Variants in SBF2 observed in about 807,000 individuals in gnomAD.
SBF2 encodes SET binding factor 2, also known as myotubularin-related protein 13.
SBF2 carries 112 observed loss-of-function variants against 225.2 expected under a neutral mutation model. The observed-to-expected ratio is 0.50, with a 90% CI of 0.43 to 0.58. SBF2 has a LOEUF of 0.58. SBF2 is among the 20% of genes least tolerant of loss of function. The pLI, the probability that SBF2 is intolerant of heterozygous loss-of-function variation, is 0.00. For missense variants in SBF2, 1,996 were observed against 2,206.2 expected, an observed-to-expected ratio of 0.90 and a Z score of 1.91; for synonymous variants, 763 against 773.3, an observed-to-expected ratio of 0.99 and a Z score of 0.22.
chr11:10,061,516 G>A (rs185190920), intron 2 of SBF2, among the ~76,000 whole-genome samples: 1,694 of 152,058 alleles, frequency 0.011, 12 homozygotes, highest in Non-Finnish European at 0.017. Flanking sequence ...ATCAATATAC[G>A]AAAATCACTA....
intron 1 of SBF2, among the ~76,000 whole-genome samples, chr11:10,207,712 C>T (rs1957794275): frequency 6.6e-6 from 1 of 151,916 alleles, no homozygotes. Flanking sequence ...GCCCTCTCTC[C>T]TAATACTTCC....
chr11:9,938,053 G>A (rs1411989877), intron 16 of SBF2, among the ~76,000 whole-genome samples: 3 of 151,540 alleles, frequency 2.0e-5, no homozygotes, highest in South Asian at 2.1e-4. Context: ...AGCACTTTGG[G>A]GGCCAAGGCG....
At chr11:10,288,113 C>A (rs1963919577) in intron 1 of SBF2, among the ~76,000 whole-genome samples, 2 of 152,218 alleles carry the variant, frequency 1.3e-5, no homozygotes, top group Admixed American at 1.3e-4. Context: ...AGTCACAGCC[C>A]TAGCTTGGGG....
At chr11:9,952,911 G>T (rs1447801863) in intron 16 of SBF2, among the ~76,000 whole-genome samples, 2 of 152,092 alleles carry the variant, frequency 1.3e-5, no homozygotes, top group East Asian at 3.8e-4. Context: ...GGTGAACAGG[G>T]AACACTTCTA....
At chr11:10,258,771 T>C (rs1429911232) in intron 1 of SBF2, among the ~76,000 whole-genome samples, 2 of 152,114 alleles carry the variant, frequency 1.3e-5, no homozygotes, top group African/African-American at 2.4e-5. Flanking sequence ...CTACATAGTC[T>C]GCCTCAAAAA....
intron 6 of SBF2, among the ~76,000 whole-genome samples, chr11:10,024,875 T>C (rs1483633746): frequency 6.6e-6 from 1 of 152,200 alleles, no homozygotes; most frequent in Non-Finnish European, 1.5e-5. Flanking sequence ...TGTCAGTAAA[T>C]CTTTGTTAAA....
intron 2 of SBF2, among the ~76,000 whole-genome samples, chr11:10,133,476 G>A (rs578172068): frequency 1.4e-5 from 2 of 142,378 alleles, no homozygotes; most frequent in South Asian, 2.2e-4. Context: ...GGCCCAGCGA[G>A]AAATCGAACG....
In SBF2 at chr11:9,968,302, TAAAC is replaced by T. The variant is rs532992872; in HGVS notation, c.1600+35_1600+38del. On this transcript the variant is annotated intron_variant, in intron 14 of 39. Coordinates refer to ENST00000256190, the MANE Select transcript of SBF2 (RefSeq NM_030962.4). ...TTCCTTTTTGGGTCTTACATCCTTA[TAAAC>T]AGTTTACTTTTAAAACAGACAGACA... 452 of 1,583,612 alleles carry T rather than the reference TAAAC, an allele frequency of 2.9e-4. 3 individuals carry two copies. The highest frequency in any genetic ancestry group is 2.7e-3 in the Middle Eastern group (14 of 5,124).
chr11:10,184,659 T>C (rs1264786146), intron 2 of SBF2, among the ~76,000 whole-genome samples: 1 of 152,188 alleles, frequency 6.6e-6, no homozygotes. Context: ...ACTTCCTGCC[T>C]GTATGAATTT....
chr11:10,117,539 T>C (rs1014207652), intron 2 of SBF2, among the ~76,000 whole-genome samples: 2 of 152,036 alleles, frequency 1.3e-5, no homozygotes, highest in African/African-American at 2.4e-5. Flanking sequence ...ATGGGACCCA[T>C]TACACATTTC....
chr11:10,059,497 C>T (rs1428444601), intron 2 of SBF2, among the ~76,000 whole-genome samples: 4 of 152,174 alleles, frequency 2.6e-5, no homozygotes, highest in African/African-American at 9.7e-5. Flanking sequence ...CCAAAATATT[C>T]AGGACCTAAA....
At chr11:9,882,536 T>A (rs149346281) in intron 17 of SBF2, among the ~76,000 whole-genome samples, 2 of 152,108 alleles carry the variant, frequency 1.3e-5, no homozygotes, top group Non-Finnish European at 2.9e-5. Flanking sequence ...CGGCCGGGCA[T>A]GGTGGCTCAT....
chr11:10,175,922 T>C (rs1189591544), intron 2 of SBF2, among the ~76,000 whole-genome samples: 2 of 151,050 alleles, frequency 1.3e-5, no homozygotes, highest in African/African-American at 4.9e-5. Flanking sequence ...ACTGGGTGCA[T>C]AACGAAATGA....
rs773821974 is a variant in SBF2 at position 9,839,576 on chromosome 11, A to G, written c.3377T>C (p.Ile1126Thr). Residue 1126 changes from isoleucine to threonine, a missense_variant, in exon 26 of 40, where the codon ATA (isoleucine) becomes ACA (threonine). Coordinates refer to ENST00000256190, the MANE Select transcript of SBF2 (RefSeq NM_030962.4). ...TCTTGAACGGGAAGAGCTGCCACTT[A>G]TGGTTCCTAAACCTAAACGCTGATA... is the stretch of plus-strand genomic sequence containing the variant. ...RDYQRLGLGTISGSSSRSRPE... is the reference protein window; with the variant it reads ...RDYQRLGLGTTSGSSSRSRPE... The G allele has an allele frequency of 6.2e-7, 1 of 1,614,156 alleles. No homozygotes were observed. Among genetic ancestry groups the G allele is most frequent in the Non-Finnish European group, 8.5e-7 (1 of 1,180,030 alleles).
chr11:10,077,564 TG>T (rs1242608539), intron 2 of SBF2, among the ~76,000 whole-genome samples: 2 of 152,190 alleles, frequency 1.3e-5, no homozygotes, highest in Non-Finnish European at 2.9e-5. Context: ...TAAACGGTGT[TG>T]GGAAAACTGG....
intron 14 of SBF2, among the ~76,000 whole-genome samples, chr11:9,965,488 A>G (rs921393941): frequency 6.6e-6 from 1 of 152,056 alleles, no homozygotes; most frequent in Admixed American, 6.5e-5. Context: ...GCGGTTCTCT[A>G]TGTTGCTCAG....
chr11:9,966,108 CAG>C (rs1398868470), intron 14 of SBF2, among the ~76,000 whole-genome samples: 2 of 150,940 alleles, frequency 1.3e-5, no homozygotes, highest in African/African-American at 4.9e-5. Flanking sequence ...TTTTGTGAGA[CAG>C]AGTCTTGCTC....
At chr11:9,922,597 A>C (rs1863718846) in intron 16 of SBF2, among the ~76,000 whole-genome samples, 1 of 152,222 alleles carries the variant, frequency 6.6e-6, no homozygotes, top group Admixed American at 6.5e-5. Flanking sequence ...ACACAAATTT[A>C]AAGAAATGTT....
chr11:10,276,856 T>C (rs915237906), intron 1 of SBF2, among the ~76,000 whole-genome samples: 4 of 152,104 alleles, frequency 2.6e-5, no homozygotes, highest in African/African-American at 9.7e-5. Flanking sequence ...GTTATCAATA[T>C]AATAATATGG....
Sources: allele counts gnomAD v4.1 joint callset (sites outside exome capture counted in the v4.1 genomes callset), GRCh38; gene constraint gnomAD v4.1.1; transcripts MANE v1.5; gene names NCBI Gene and HGNC (gene_info 2026-07-23, HGNC 2026-07-21).